The following IPCEF1 variants were observed in gnomAD, a reference collection of about 807,000 sequenced individuals.
The protein encoded by IPCEF1 is interaction protein for cytohesin exchange factors 1, also known as interactor protein for cytohesin exchange factors 1.
A neutral mutation model predicts 50.9 loss-of-function variants in IPCEF1; 31 were observed. The ratio of observed to expected loss-of-function variants is 0.61; its 90% CI spans 0.46 to 0.82. The LOEUF (loss-of-function observed/expected upper bound fraction) is 0.82. Ranked by LOEUF, IPCEF1 falls within the 40% of genes least tolerant of loss-of-function variation. IPCEF1 has a pLI of 0.00. For missense variants in IPCEF1, 458 were observed against 514.0 expected, an observed-to-expected ratio of 0.89 and a Z score of 1.05; for synonymous variants, 181 against 192.0, an observed-to-expected ratio of 0.94 and a Z score of 0.47.
chr6:154,328,681 T>C (rs189770163), intron 1 of IPCEF1, among the ~76,000 whole-genome samples: 13 of 152,310 alleles, frequency 8.5e-5, no homozygotes, highest in Non-Finnish European at 1.6e-4. Flanking sequence ...CTTTCTCTCC[T>C]CTCTCTGCCT....
intron 1 of IPCEF1, among the ~76,000 whole-genome samples, chr6:154,343,883 T>C (rs1433635760): frequency 5.3e-5 from 8 of 152,170 alleles, no homozygotes; most frequent in Non-Finnish European, 1.0e-4. Context: ...GATTCCCACA[T>C]GTCCTCTTGC....
chr6:154,193,469 A>G (rs1802113750), intron 10 of IPCEF1, among the ~76,000 whole-genome samples: 1 of 152,202 alleles, frequency 6.6e-6, no homozygotes, highest in South Asian at 2.1e-4. Flanking sequence ...ATGTAACCAC[A>G]CAACACCACC....
intron 5 of IPCEF1, among the ~76,000 whole-genome samples, chr6:154,234,971 C>G (rs545646409): frequency 7.1e-4 from 108 of 152,282 alleles, no homozygotes; most frequent in African/African-American, 2.4e-3. Context: ...TTTAAAACCC[C>G]AAATGTGCTA....
At chr6:154,214,158 CCT>C (rs1249190845) in intron 8 of IPCEF1, 58 bp downstream of exon 8, 3 of 1,070,232 alleles carry the variant, frequency 2.8e-6, no homozygotes, top group East Asian at 2.4e-5. Flanking sequence ...GTTTTTTCAC[CCT>C]GTTTCAACCT....
intron 2 of IPCEF1, among the ~76,000 whole-genome samples, chr6:154,267,329 C>A (rs1781781840): frequency 6.6e-6 from 1 of 152,078 alleles, no homozygotes; most frequent in Non-Finnish European, 1.5e-5. Flanking sequence ...AATGCTTAAT[C>A]TCATTAGTAA....
intron 1 of IPCEF1, among the ~76,000 whole-genome samples, chr6:154,300,892 C>T (rs1782774874): frequency 6.6e-6 from 1 of 152,104 alleles, no homozygotes; most frequent in African/African-American, 2.4e-5. Context: ...GGAGAAGTTG[C>T]CCTGTTACTT....
chr6:154,201,088 T>C (rs1258389656), intron 9 of IPCEF1, among the ~76,000 whole-genome samples: 1 of 152,192 alleles, frequency 6.6e-6, no homozygotes, highest in African/African-American at 2.4e-5. Flanking sequence ...CCATGTAAGA[T>C]GTGCCTTGTT....
chr6:154,295,886 CACAT>C (rs1261266033), intron 1 of IPCEF1, among the ~76,000 whole-genome samples: 9 of 127,910 alleles, frequency 7.0e-5, no homozygotes, highest in African/African-American at 2.2e-4. Context: ...CACACACACA[CACAT>C]GCGTACACAC....
intron 9 of IPCEF1, among the ~76,000 whole-genome samples, chr6:154,208,365 G>A (rs1777676314): frequency 6.6e-6 from 1 of 152,104 alleles, no homozygotes; most frequent in African/African-American, 2.4e-5. Context: ...ACCTTTCAAG[G>A]TTTCGCTCAG....
intron 1 of IPCEF1, among the ~76,000 whole-genome samples, chr6:154,318,606 C>T (rs568311961): frequency 1.3e-5 from 2 of 150,536 alleles, no homozygotes; most frequent in African/African-American, 4.9e-5. Flanking sequence ...AGTCTCAGCA[C>T]TTTGGGAGGC....
At chr6:154,187,354 C>G (rs1801474572) in intron 10 of IPCEF1, among the ~76,000 whole-genome samples, 1 of 152,138 alleles carries the variant, frequency 6.6e-6, no homozygotes. Flanking sequence ...CCTACTGTTT[C>G]CCTACCAGTC....
At chr6:154,343,120 A>G (rs1048092708) in intron 1 of IPCEF1, among the ~76,000 whole-genome samples, 1 of 152,128 alleles carries the variant, frequency 6.6e-6, no homozygotes, top group Non-Finnish European at 1.5e-5. Context: ...TATAAAAGAG[A>G]GAGAGAGATA....
intron 1 of IPCEF1, among the ~76,000 whole-genome samples, chr6:154,334,235 T>C (rs1279817101): frequency 2.6e-5 from 4 of 152,150 alleles, no homozygotes; most frequent in African/African-American, 9.7e-5. Context: ...TTCAAACATA[T>C]GCTCATTTTA....
intron 3 of IPCEF1, among the ~76,000 whole-genome samples, chr6:154,260,977 G>C (rs1781584752): frequency 6.6e-6 from 1 of 152,196 alleles, no homozygotes; most frequent in Non-Finnish European, 1.5e-5. Flanking sequence ...TCTGGGGATA[G>C]TGCCAAATCT....
Position 154,157,046 on chromosome 6 carries a change from C to G in IPCEF1, c.*2782G>C, listed in dbSNP as rs1223209531. 3 of 152,216 alleles carry G rather than the reference C, an allele frequency of 2.0e-5. No individual in the cohort carries two copies. Among genetic ancestry groups the G allele is most frequent in the Non-Finnish European group, 4.4e-5 (3 of 68,096 alleles). 9.4% of individuals were successfully genotyped at this position (152,216 alleles called of 1,614,324 possible). A position where few individuals can be genotyped will look rare whatever the true frequency, so the allele number is the denominator to read the frequency against. ...TGGGTATAGGAATTGGCCCTTGGAC[C>G]CCAGGAAACTACCCCAAATGCATTT... On this transcript the variant is annotated 3_prime_UTR_variant, in exon 12 of 12. Transcript: ENST00000367220.
intron 10 of IPCEF1, among the ~76,000 whole-genome samples, chr6:154,187,046 C>A (rs1801433666): frequency 1.3e-5 from 2 of 152,200 alleles, no homozygotes; most frequent in African/African-American, 2.4e-5. Flanking sequence ...TCTACACACT[C>A]CACACTCTGT....
At chr6:154,297,252 C>T (rs1328952418) in intron 1 of IPCEF1, among the ~76,000 whole-genome samples, 1 of 152,128 alleles carries the variant, frequency 6.6e-6, no homozygotes, top group East Asian at 1.9e-4. Flanking sequence ...GTTGCCTGGA[C>T]TGGTCTTGCA....
chr6:154,184,417 G>A (rs1043265423), intron 10 of IPCEF1, among the ~76,000 whole-genome samples: 1 of 152,060 alleles, frequency 6.6e-6, no homozygotes, highest in East Asian at 1.9e-4. Flanking sequence ...AGGTAGAGCT[G>A]CATGTACTAA....
At chr6:154,160,090 T>C (rs1461185983) in intron 11 of IPCEF1, 50 bp from the exon 12 acceptor site, 13 of 1,394,860 alleles carry the variant, frequency 9.3e-6, no homozygotes, top group Non-Finnish European at 1.3e-5. Flanking sequence ...AGTGTCTTAA[T>C]TTACATAAAC....
Sources: gnomAD v4.1 joint callset for allele counts (sites outside exome capture counted in the v4.1 genomes callset) on GRCh38, gnomAD v4.1.1 for gene constraint, MANE v1.5 for transcripts, NCBI Gene and HGNC (gene_info 2026-07-23, HGNC 2026-07-21) for gene names.